The following POU6F1 variants were observed in gnomAD, a reference collection of about 807,000 sequenced individuals.
The protein encoded by POU6F1 is POU class 6 homeobox 1.
POU6F1 carries 9 observed loss-of-function variants against 28.9 expected under a neutral mutation model. The ratio of observed to expected loss-of-function variants is 0.31; its 90% CI spans 0.19 to 0.54. POU6F1 has a LOEUF of 0.54. Ranked by LOEUF, POU6F1 falls within the 20% of genes least tolerant of loss-of-function variation. POU6F1 has a pLI of 0.94. For missense variants in POU6F1, 338 were observed against 426.1 expected (o/e 0.79, Z 1.82); for synonymous variants, 173 against 171.1 (o/e 1.01, Z -0.09).
At chr12:51,192,605 T>G in intron 8 of POU6F1, 134 bp from the exon 9 acceptor site, 1 of 1,207,132 alleles carries the variant, frequency 8.3e-7, no homozygotes, top group Non-Finnish European at 1.1e-6. Flanking sequence ...GCCTGGGCTC[T>G]ATCATAAAAC....
intron 9 of POU6F1, 22 bp from the exon 10 acceptor site, chr12:51,191,786 G>C: frequency 6.2e-7 from 1 of 1,613,462 alleles, no homozygotes; most frequent in Non-Finnish European, 8.5e-7. Context: ...GGAGGGAGCA[G>C]GGATGAGTGT....
intron 8 of POU6F1, among the ~76,000 whole-genome samples, chr12:51,192,741 C>T (rs143999312): frequency 1.3e-5 from 2 of 152,108 alleles, no homozygotes; most frequent in Non-Finnish European, 2.9e-5. Flanking sequence ...CCTGTCTCTA[C>T]TAAAAATACA....
At chr12:51,193,457 TC>T (rs1178676898) in intron 8 of POU6F1, among the ~76,000 whole-genome samples, 2 of 152,152 alleles carry the variant, frequency 1.3e-5, no homozygotes, top group South Asian at 4.2e-4. Context: ...GCACCTATAA[TC>T]CCGGCTACTG....
chr12:51,195,938 G>GCGGCC, intron 8 of POU6F1, 32 bp downstream of exon 8: 1 of 916,160 alleles, frequency 1.1e-6, no homozygotes. Flanking sequence ...AGCAGAGCCT[G>GCGGCC]CCCCACCCCC....
chr12:51,190,544 C>A lies in POU6F1; in HGVS notation c.1539G>T (p.Pro513=). 1 of 1,614,160 alleles carries A rather than the reference C, an allele frequency of 6.2e-7. No homozygotes were observed. Among genetic ancestry groups the A allele is most frequent in the Non-Finnish European group, 8.5e-7 (1 of 1,180,030 alleles). The part of the protein sequence containing the change: ...ITPKSAQKLK[P]VLEKWLNEAE... ...CTTCGTTTAGCCACTTTTCCAGCACCGGCTTTAGCTTCTGGGCACTCTTGG... is the reference window on the plus strand; with the variant it reads ...CTTCGTTTAGCCACTTTTCCAGCACAGGCTTTAGCTTCTGGGCACTCTTGG... The change falls in exon 11 of 11, where the codon CCG becomes CCT. Residue 513 remains proline (P), a synonymous_variant. Coordinates refer to ENST00000333640, the MANE Select transcript of POU6F1 (RefSeq NM_001330422.2). This position sits in a 1 kb window ranked among gnomAD's most constrained non-coding sequence, Gnocchi z 4.5.
At position 51,197,759 on chromosome 12, in the gene POU6F1, C is replaced by T; in HGVS notation, c.846+11G>A. 2.5e-6 allele frequency: 1 copy of T among 399,780 alleles called. No individual in the cohort carries two copies. The highest frequency in any genetic ancestry group is 3.6e-5 in the East Asian group (1 of 28,076). 24.8% of individuals were successfully genotyped at this position (399,780 alleles called of 1,614,324 possible). A position where few individuals can be genotyped will look rare whatever the true frequency, so the allele number is the denominator to read the frequency against. On this transcript the variant is annotated intron_variant, in intron 6 of 10. Coordinates refer to ENST00000333640, the MANE Select transcript of POU6F1 (RefSeq NM_001330422.2). The stretch of plus-strand genomic sequence containing the variant: ...ATCCCTGGTCAGCCCTGGGTGAGGG[C>T]AGCAGCTTACGATTCCTGGGCTAAA...
At chr12:51,191,432 G>GC (rs1258047981) in intron 10 of POU6F1, among the ~76,000 whole-genome samples, 164 bp downstream of exon 10, 1 of 152,234 alleles carries the variant, frequency 6.6e-6, no homozygotes, top group Non-Finnish European at 1.5e-5. Flanking sequence ...GCCTTTGACT[G>GC]CCCCAGGTGT....
At chr12:51,207,888 G>A (rs1008368447) in intron 1 of POU6F1, among the ~76,000 whole-genome samples, 4 of 152,196 alleles carry the variant, frequency 2.6e-5, no homozygotes, top group Non-Finnish European at 2.9e-5. Context: ...CCCAGATGGT[G>A]GAACAGCCTG....
intron 3 of POU6F1, chr12:51,202,705 G>A (rs1230870349): frequency 6.6e-6 from 1 of 152,144 alleles, no homozygotes; most frequent in African/African-American, 2.4e-5. Context: ...AAGCAGCACT[G>A]TTTATGAAAA....
chr12:51,190,434 G>A lies in POU6F1; in HGVS notation c.1649C>T (p.Ser550Phe). 1 of 1,614,156 alleles carries A rather than the reference G, an allele frequency of 6.2e-7. No homozygotes were observed. Among genetic ancestry groups the A allele is most frequent in the Non-Finnish European group, 8.5e-7 (1 of 1,180,030 alleles). Residue 550 changes from serine (S) to phenylalanine (F), a missense_variant, in exon 11 of 11, where the codon TCC becomes TTC. Transcript: ENST00000333640. The surrounding 1 kb of genome is among the most constrained non-coding windows in gnomAD (Gnocchi z 4.5). ...AGCCTCTATGGCCTGGGGGGTGAAG[G>A]AGGTGCGGCGTTTGCGTTTCTTGGA... ...EPSKKRKRRT[S>F]FTPQAIEALN...
At chr12:51,196,198 C>T in intron 7 of POU6F1, 25 bp from the exon 8 acceptor site, 2 of 1,471,024 alleles carry the variant, frequency 1.4e-6, no homozygotes, top group Non-Finnish European at 1.8e-6. Context: ...GGCAGGGACC[C>T]CAGGTGTGAG....
At chr12:51,194,001 G>C (rs1334216140) in intron 8 of POU6F1, among the ~76,000 whole-genome samples, 1 of 152,044 alleles carries the variant, frequency 6.6e-6, no homozygotes, top group Non-Finnish European at 1.5e-5. Context: ...CCTCACCACA[G>C]TCCAGTTCTT....
Position 51,200,374 on chromosome 12 carries a change from CT to C in POU6F1, c.245-507del, listed in dbSNP as rs577831198. The stretch of plus-strand genomic sequence containing the variant: ...GGCAAAGTCCTGGAAGCAACAGTCC[CT>C]GAAAATTGGACAGGTCTGTGCTGCA... On this transcript the variant is annotated intron_variant, in intron 3 of 10. Transcript: ENST00000333640. Among the ~76,000 whole-genome samples, 74 of 152,302 alleles carry C rather than the reference CT, an allele frequency of 4.9e-4. No homozygotes were observed. The South Asian group carries it at 0.015, about 31-fold the overall frequency.
chr12:51,201,444 A>C (rs1000306046), intron 3 of POU6F1, among the ~76,000 whole-genome samples: 2 of 152,090 alleles, frequency 1.3e-5, no homozygotes, highest in African/African-American at 4.8e-5. Flanking sequence ...TGGGAGGCTG[A>C]GGTGGTAGCA....
intron 3 of POU6F1, among the ~76,000 whole-genome samples, chr12:51,200,254 C>T (rs1565615992): frequency 6.6e-6 from 1 of 152,166 alleles, no homozygotes; most frequent in Non-Finnish European, 1.5e-5. Context: ...ATGATGGGAG[C>T]GGCTGTCCTT....
intron 9 of POU6F1, 33 bp downstream of exon 9, chr12:51,192,297 C>T (rs899824841): frequency 3.1e-6 from 5 of 1,609,596 alleles, no homozygotes; most frequent in Non-Finnish European, 3.4e-6. Flanking sequence ...TGCCTCCCCA[C>T]TTCTCCACAC....
At position 51,207,021 on chromosome 12, in the gene POU6F1, A is replaced by C. The variant is rs144028581; in HGVS notation, c.-47-138T>G. 398 of 387,768 alleles carry C rather than the reference A, an allele frequency of 1.0e-3. 8 individuals carry two copies. The highest frequency in any genetic ancestry group is 9.9e-3 in the East Asian group (272 of 27,354). The allele number at this position is 387,768 out of a possible 1,614,324, so 24.0% of individuals were successfully genotyped here. ...CCAAGTATCTGTAGAGGTTAAAAAA[A>C]AAAAAAAGGATTCTTTTTTTTTGAG... On this transcript the variant is annotated intron_variant, in intron 1 of 10. Coordinates refer to ENST00000333640, the MANE Select transcript of POU6F1 (RefSeq NM_001330422.2).
At position 51,189,731 on chromosome 12, in the gene POU6F1, C is replaced by T. The variant is rs188621755; in HGVS notation, c.*516G>A. ...TTGAATTTTATCTCCCAGGTCCTTT[C>T]GGTGCACCTGCAGGCAAAGTGTGGG... is the stretch of plus-strand genomic sequence containing the variant. On this transcript the variant is annotated 3_prime_UTR_variant, in exon 11 of 11. Transcript: ENST00000333640. 2.8e-3 allele frequency: 465 copies of T among 164,012 alleles called. 4 individuals carry two copies. The highest frequency in any genetic ancestry group is 0.01 in the African/African-American group (433 of 41,732). The allele number at this position is 164,012 out of a possible 1,614,324, so 10.2% of individuals were successfully genotyped here.
chr12:51,197,070 CT>C, intron 6 of POU6F1, 143 bp from the exon 7 acceptor site: 1 of 552,696 alleles, frequency 1.8e-6, no homozygotes, highest in South Asian at 2.3e-5. Flanking sequence ...GTTTCCAGGG[CT>C]AGGGGTCTAC....
Sources: gnomAD v4.1 joint callset for allele counts (sites outside exome capture counted in the v4.1 genomes callset) on GRCh38, gnomAD v4.1.1 for gene constraint, Gnocchi (gnomAD v3.1) non-coding constraint, MANE v1.5 for transcripts, NCBI Gene and HGNC (gene_info 2026-07-23, HGNC 2026-07-21) for gene names.